SLC44A5: variants seen among roughly 807,000 people sequenced by gnomAD.
SLC44A5 encodes the protein solute carrier family 44 member 5, also known as choline transporter-like protein 5.
SLC44A5 carries 57 observed loss-of-function variants against 101.8 expected under a neutral mutation model. The observed-to-expected ratio is 0.56, with a 90% CI of 0.45 to 0.70. The LOEUF is 0.70. Ranked by LOEUF, SLC44A5 falls within the 30% of genes least tolerant of loss-of-function variation. SLC44A5 has a pLI of 0.00. For missense variants in SLC44A5, 737 were observed against 853.1 expected, an observed-to-expected ratio of 0.86 and a Z score of 1.70; for synonymous variants, 281 against 290.9, an observed-to-expected ratio of 0.97 and a Z score of 0.35.
At chr1:75,477,267 C>T (rs906808230) in intron 2 of SLC44A5, among the ~76,000 whole-genome samples, 2 of 152,130 alleles carry the variant, frequency 1.3e-5, no homozygotes, top group African/African-American at 4.8e-5. Flanking sequence ...TTACCATCAT[C>T]AAAGACTAAA....
At chr1:75,505,557 G>C (rs1019580791) in intron 2 of SLC44A5, among the ~76,000 whole-genome samples, 3 of 152,142 alleles carry the variant, frequency 2.0e-5, no homozygotes, top group African/African-American at 7.2e-5. Flanking sequence ...TGACTAGTGT[G>C]AGATGGTATT....
intron 3 of SLC44A5, among the ~76,000 whole-genome samples, chr1:75,361,061 G>A (rs989070896): frequency 6.6e-6 from 1 of 151,804 alleles, no homozygotes; most frequent in Admixed American, 6.6e-5. Flanking sequence ...CTTATTTTTT[G>A]TTGCTAGTAT....
chr1:75,350,214 A>G (rs1047236612), intron 3 of SLC44A5, among the ~76,000 whole-genome samples: 1 of 151,900 alleles, frequency 6.6e-6, no homozygotes, highest in African/African-American at 2.4e-5. Context: ...AGGAAAGGAG[A>G]CCAGTGGTCT....
intron 7 of SLC44A5, among the ~76,000 whole-genome samples, chr1:75,248,399 A>C (rs1649296726): frequency 6.6e-6 from 1 of 152,188 alleles, no homozygotes; most frequent in African/African-American, 2.4e-5. Context: ...GATTTAATAC[A>C]CAAATGGATG....
intron 1 of SLC44A5, among the ~76,000 whole-genome samples, chr1:75,594,385 G>A (rs1003485556): frequency 1.3e-5 from 2 of 151,910 alleles, no homozygotes; most frequent in Admixed American, 6.6e-5. Context: ...AATGTCATTA[G>A]TGTCTCCAAA....
At chr1:75,564,603 T>TTTTATTTATGTATTTATTTA (rs1672691683) in intron 1 of SLC44A5, among the ~76,000 whole-genome samples, 1 of 138,042 alleles carries the variant, frequency 7.2e-6, no homozygotes, top group Non-Finnish European at 1.5e-5. Flanking sequence ...TTTTTTTAAT[T>TTTTATTTATGTATTTATTTA]TTTATTTATT....
chr1:75,471,382 A>AACACAC (rs3058800), intron 2 of SLC44A5, among the ~76,000 whole-genome samples: 24 of 149,318 alleles, frequency 1.6e-4, no homozygotes, highest in Middle Eastern at 3.4e-3. Context: ...TGTGCATGAA[A>AACACAC]ACACACACAC....
At chr1:75,341,731 C>T (rs1657899296) in intron 3 of SLC44A5, among the ~76,000 whole-genome samples, 1 of 152,132 alleles carries the variant, frequency 6.6e-6, no homozygotes. Context: ...CATGCTCTGA[C>T]CCTGTGCTCT....
rs1343117238 is a variant in SLC44A5, at chr1:75,217,896, C to T, written c.1594G>A (p.Val532Ile). Residue 532 changes from valine (V) to isoleucine (I), a missense_variant, in exon 18 of 24, where the codon GTA becomes ATA. Transcript: ENST00000370859. Reference protein sequence around the residue: ...IIALIQMFKIVLEYLDHRLKR... With the variant: ...IIALIQMFKIILEYLDHRLKR... ...AGACGGTGGTCCAAGTATTCTAGTA[C>T]AATTTTAAACATTTGAATTAATGCA... 1 of 1,602,646 alleles carries T rather than the reference C, an allele frequency of 6.2e-7. No homozygotes were observed. The highest frequency in any genetic ancestry group is 1.7e-5 in the Admixed American group (1 of 59,848).
intron 13 of SLC44A5, among the ~76,000 whole-genome samples, chr1:75,226,290 C>A (rs1647193046): frequency 6.6e-6 from 1 of 151,606 alleles, no homozygotes; most frequent in Non-Finnish European, 1.5e-5. Context: ...GAGAAGGAAT[C>A]TGGGAGGGAC....
intron 13 of SLC44A5, among the ~76,000 whole-genome samples, chr1:75,224,619 A>G (rs1279363722): frequency 7.9e-5 from 12 of 152,122 alleles, no homozygotes; most frequent in Admixed American, 7.9e-4. Context: ...TAGATAAAAT[A>G]GAGATAGGGT....
At chr1:75,355,836 G>A (rs907471780) in intron 3 of SLC44A5, among the ~76,000 whole-genome samples, 3 of 152,114 alleles carry the variant, frequency 2.0e-5, no homozygotes, top group African/African-American at 4.8e-5. Context: ...TATGTTACTT[G>A]TTTATGTATT....
At chr1:75,402,702 AGGTTCCCTCAGGT>A (rs1662572536) in intron 2 of SLC44A5, among the ~76,000 whole-genome samples, 1 of 152,006 alleles carries the variant, frequency 6.6e-6, no homozygotes, top group African/African-American at 2.4e-5. Flanking sequence ...ACAGATTAGG[AGGTTCCCTCAGGT>A]GCCTACACCA....
chr1:75,434,079 G>C (rs1041062320), intron 2 of SLC44A5, among the ~76,000 whole-genome samples: 2 of 151,948 alleles, frequency 1.3e-5, no homozygotes, highest in African/African-American at 4.8e-5. Context: ...GATGAAATTC[G>C]GATGGAGACA....
chr1:75,602,346 A>T (rs1315972436), intron 1 of SLC44A5, among the ~76,000 whole-genome samples: 1 of 152,192 alleles, frequency 6.6e-6, no homozygotes, highest in Non-Finnish European at 1.5e-5. Flanking sequence ...TAAATCATTA[A>T]ATACAAGTTG....
chr1:75,683,828 T>A, the SLC44A5 span, among the ~76,000 whole-genome samples: 2 of 151,832 alleles, frequency 1.3e-5, no homozygotes, highest in African/African-American at 4.8e-5. Context: ...AAGAAACACA[T>A]TTCCTCTATA....
chr1:75,678,388 G>C, the SLC44A5 span, among the ~76,000 whole-genome samples: 1 of 152,158 alleles, frequency 6.6e-6, no homozygotes, highest in East Asian at 1.9e-4. Flanking sequence ...GAGAGCAGTG[G>C]TTCTCCCAGT....
the SLC44A5 span, chr1:75,641,823 C>T: frequency 2.0e-6 from 3 of 1,497,216 alleles, no homozygotes; most frequent in South Asian, 3.4e-5. Flanking sequence ...GGCCAGTTTT[C>T]CACTGGTTCC....
chr1:75,632,973 A>C, the SLC44A5 span, among the ~76,000 whole-genome samples: 1 of 152,166 alleles, frequency 6.6e-6, no homozygotes, highest in African/African-American at 2.4e-5. Context: ...GTGATTAATA[A>C]CTTTTATACC....
Sources: gnomAD v4.1 joint callset for allele counts (sites outside exome capture counted in the v4.1 genomes callset) on GRCh38, gnomAD v4.1.1 for gene constraint, MANE v1.5 for transcripts, NCBI Gene and HGNC (gene_info 2026-07-23, HGNC 2026-07-21) for gene names.